The following SHPRH variants were observed in gnomAD, a reference collection of about 807,000 sequenced individuals.
The protein encoded by SHPRH is SNF2 histone linker PHD RING helicase, also known as E3 ubiquitin-protein ligase SHPRH.
A neutral mutation model predicts 202.5 loss-of-function variants in SHPRH; 106 were observed. The ratio of observed to expected loss-of-function variants is 0.52; its 90% CI spans 0.45 to 0.62. The LOEUF is 0.62. Ranked by LOEUF, SHPRH falls within the 20% of genes least tolerant of loss-of-function variation. The probability of loss-of-function intolerance (pLI) is 0.00; values close to 1 mark genes in which losing one functional copy is unlikely to be tolerated. For synonymous variants in SHPRH, 729 were observed against 686.0 expected, an observed-to-expected ratio of 1.06 and a Z score of -0.98; for missense variants, 1,710 against 2,020.0, an observed-to-expected ratio of 0.85 and a Z score of 2.94.
At chr6:145,907,393 A>G (rs1783058107) in intron 25 of SHPRH, 1 of 152,218 alleles carries the variant, frequency 6.6e-6, no homozygotes, top group Non-Finnish European at 1.5e-5. Context: ...CTTCTGCTCT[A>G]TTCTGTTCCT....
chr6:145,957,095 T>A (rs1174197662), intron 1 of SHPRH, among the ~76,000 whole-genome samples: 1 of 152,144 alleles, frequency 6.6e-6, no homozygotes, highest in East Asian at 1.9e-4. Flanking sequence ...GATGGTCAAT[T>A]GATTTTTGAA....
chr6:145,909,648 G>T (rs1783307498), intron 25 of SHPRH: 1 of 152,012 alleles, frequency 6.6e-6, no homozygotes, highest in Admixed American at 6.6e-5. Context: ...AATTAATAAA[G>T]AATACTTCAT....
chr6:145,941,032 G>A (rs1235550790), intron 10 of SHPRH, among the ~76,000 whole-genome samples: 1 of 152,158 alleles, frequency 6.6e-6, no homozygotes, highest in Non-Finnish European at 1.5e-5. Context: ...CCCTAAAACA[G>A]AGGGGTAGTT....
chr6:145,864,943 TCACACACACACACACACACA>T (rs71552940), intron 2 of SHPRH, among the ~76,000 whole-genome samples: 1 of 102,704 alleles, frequency 9.7e-6, no homozygotes, highest in African/African-American at 3.2e-5. Context: ...ACACACACAC[TCACACACACACACACACACA>T]CACACACACA....
chr6:145,869,441 A>G (rs974321820), intron 2 of SHPRH, among the ~76,000 whole-genome samples: 3 of 152,142 alleles, frequency 2.0e-5, no homozygotes, highest in African/African-American at 7.2e-5. Flanking sequence ...ATTTTCTTCT[A>G]TGTTATTTTC....
intron 14 of SHPRH, among the ~76,000 whole-genome samples, chr6:145,929,278 T>C (rs1356839483): frequency 6.6e-6 from 1 of 151,970 alleles, no homozygotes; most frequent in Non-Finnish European, 1.5e-5. Context: ...GATTTGATAT[T>C]GTCAAGCTAA....
intron 4 of SHPRH, among the ~76,000 whole-genome samples, chr6:145,949,557 A>G (rs775450997): frequency 2.6e-5 from 4 of 152,088 alleles, no homozygotes; most frequent in Non-Finnish European, 5.9e-5. Flanking sequence ...GGGCATACAG[A>G]ATAGTATAAC....
chr6:145,879,370 G>T (rs955796245), intron 2 of SHPRH, among the ~76,000 whole-genome samples: 4 of 151,874 alleles, frequency 2.6e-5, no homozygotes, highest in Non-Finnish European at 5.9e-5. Flanking sequence ...AGATATTCTG[G>T]AACTTAACAC....
Position 145,886,342 on chromosome 6 carries a change from CTAG to C in SHPRH, c.*346_*348del. The C allele has an allele frequency of 1.6e-6, 1 of 617,374 alleles. No individual in the cohort carries two copies. The highest frequency in any genetic ancestry group is 2.0e-5 in the African/African-American group (1 of 51,094). The allele number at this position is 617,374 out of a possible 1,614,324, so 38.2% of individuals were successfully genotyped here. ...ATATACCAGGTCATATAAAACTAGA[CTAG>C]TTTACTTTCTTATTCCAACTGTTTT... On this transcript the variant is annotated 3_prime_UTR_variant, in exon 30 of 30. Coordinates refer to ENST00000275233, the MANE Select transcript of SHPRH (RefSeq NM_001042683.3).
chr6:145,874,695 A>C (rs1352296461), intron 2 of SHPRH, among the ~76,000 whole-genome samples: 1 of 152,172 alleles, frequency 6.6e-6, no homozygotes, highest in Non-Finnish European at 1.5e-5. Context: ...TTTCATCTGT[A>C]AATTTTCAAG....
At chr6:145,952,283 G>C in intron 3 of SHPRH, 66 bp downstream of exon 3, 1 of 1,403,148 alleles carries the variant, frequency 7.1e-7, no homozygotes, top group Non-Finnish European at 9.6e-7. Context: ...GTTATGTCCA[G>C]GGGTTAGAGG....
chr6:145,943,929 G>T, intron 8 of SHPRH, 127 bp from the exon 9 acceptor site: 1 of 893,468 alleles, frequency 1.1e-6, no homozygotes, highest in Non-Finnish European at 1.6e-6. Context: ...TCCCTGAGGA[G>T]AATCACTCCT....
In SHPRH at chr6:145,888,002, T is replaced by C. The variant is rs1781235116; in HGVS notation, c.4955+18A>G. ...AGGAAAACCTTCCCCCTTCTACTTG[T>C]GGTAAATTATTACCTACCTTCTCTC... On this transcript the variant is annotated intron_variant, in intron 29 of 29. Coordinates refer to ENST00000275233, the MANE Select transcript of SHPRH (RefSeq NM_001042683.3). 2 of 1,582,362 alleles carry C rather than the reference T, an allele frequency of 1.3e-6. No homozygotes were observed. The highest frequency in any genetic ancestry group is 2.2e-5 in the East Asian group (1 of 44,640).
chr6:145,936,725 C>T (rs554716537), intron 11 of SHPRH, among the ~76,000 whole-genome samples: 1 of 152,204 alleles, frequency 6.6e-6, no homozygotes, highest in South Asian at 2.1e-4. Context: ...ATATCCTTCC[C>T]ACACCTACAA....
downstream of SHPRH, among the ~76,000 whole-genome samples, chr6:145,863,158 G>T (rs1019050812): frequency 6.6e-6 from 1 of 152,158 alleles, no homozygotes; most frequent in East Asian, 1.9e-4. Context: ...TATGCAAAAA[G>T]ATCAATTATA....
intron 14 of SHPRH, among the ~76,000 whole-genome samples, chr6:145,928,071 G>A (rs1785054434): frequency 2.0e-5 from 3 of 151,880 alleles, no homozygotes; most frequent in African/African-American, 7.2e-5. Context: ...TTCGTGACAT[G>A]TGAAAATTAA....
downstream of SHPRH, among the ~76,000 whole-genome samples, chr6:145,859,828 G>A (rs147482322): frequency 1.8e-3 from 280 of 152,096 alleles, no homozygotes; most frequent in African/African-American, 6.1e-3. Context: ...AGAGGAGAAA[G>A]TGCTTTGGGA....
At chr6:145,887,870 G>T (rs1213881419) in intron 29 of SHPRH, 150 bp downstream of exon 29, 15 of 616,828 alleles carry the variant, frequency 2.4e-5, no homozygotes, top group Middle Eastern at 2.8e-4. Flanking sequence ...CACTGACTGG[G>T]AAACAGTGAA....
chr6:145,874,506 C>T (rs188350289), intron 2 of SHPRH, among the ~76,000 whole-genome samples: 1 of 152,012 alleles, frequency 6.6e-6, no homozygotes, highest in South Asian at 2.1e-4. Flanking sequence ...AATTGACATA[C>T]AAAAATTGTA....
Sources: allele counts gnomAD v4.1 joint callset (sites outside exome capture counted in the v4.1 genomes callset), GRCh38; gene constraint gnomAD v4.1.1; transcripts MANE v1.5; gene names NCBI Gene and HGNC (gene_info 2026-07-23, HGNC 2026-07-21).